FRMPD4: variants seen among roughly 807,000 people sequenced by gnomAD.
FRMPD4 encodes FERM and PDZ domain containing 4.
In FRMPD4, 22 loss-of-function variants were observed where a neutral mutation model predicts 94.1. The observed-to-expected ratio is 0.23, with a 90% CI of 0.17 to 0.33. FRMPD4 has a LOEUF of 0.33. FRMPD4 is among the 10% of genes least tolerant of loss of function. The pLI, the probability that FRMPD4 is intolerant of heterozygous loss-of-function variation, is 1.00. For synonymous variants in FRMPD4, 631 were observed against 548.6 expected, an observed-to-expected ratio of 1.15 and a Z score of -2.10; for missense variants, 1,111 against 1,339.9, an observed-to-expected ratio of 0.83 and a Z score of 2.67.
At chrX:12,360,486 GA>G (rs1160365195) in intron 1 of FRMPD4, among the ~76,000 whole-genome samples, 9 of 110,918 alleles carry the variant, frequency 8.1e-5, no homozygotes, top group Non-Finnish European at 1.5e-4. Flanking sequence ...CATGTAGGGG[GA>G]AAAAAGATGA....
chrX:12,076,176 G>C (rs1313354872), intron 3 of FRMPD4, among the ~76,000 whole-genome samples: 2 of 111,549 alleles, frequency 1.8e-5, no homozygotes, highest in Non-Finnish European at 3.8e-5. Flanking sequence ...CATGAATAAA[G>C]CATTTGGTTC....
chrX:11,952,991 C>T (rs1344924474), intron 3 of FRMPD4, among the ~76,000 whole-genome samples: 1 of 111,960 alleles, frequency 8.9e-6, no homozygotes, highest in African/African-American at 3.3e-5. Flanking sequence ...ACTGAGAAGA[C>T]TCTTGATCAG....
chrX:11,928,183 A>T (rs1428039266), intron 3 of FRMPD4, among the ~76,000 whole-genome samples: 1 of 112,398 alleles, frequency 8.9e-6, no homozygotes, highest in Non-Finnish European at 1.9e-5. Flanking sequence ...AGAAATGCAA[A>T]ACAAAACCAC....
At chrX:12,080,457 A>G (rs1389128506) in intron 3 of FRMPD4, among the ~76,000 whole-genome samples, 1 of 112,275 alleles carries the variant, frequency 8.9e-6, no homozygotes, top group Non-Finnish European at 1.9e-5. Flanking sequence ...TTTTTGGCTT[A>G]CATCCCTCAG....
chrX:11,864,262 G>A (rs1030633717), intron 1 of FRMPD4, among the ~76,000 whole-genome samples: 2 of 109,407 alleles, frequency 1.8e-5, no homozygotes, highest in Non-Finnish European at 3.8e-5. Flanking sequence ...GTTAACAAGA[G>A]TGAAGGGATG....
chrX:12,115,024 A>G (rs1184176492), intron 3 of FRMPD4, among the ~76,000 whole-genome samples: 1 of 111,767 alleles, frequency 8.9e-6, no homozygotes, highest in African/African-American at 3.2e-5. Flanking sequence ...CCAGTCTTGA[A>G]TACATTTTTA....
rs539623437 is a variant in FRMPD4 at position 12,361,546 on chromosome X, C to T, written c.42-137134C>T. On this transcript the variant is annotated intron_variant, in intron 1 of 16. Transcript: ENST00000675598. ...CATTCCCTAAGATTTGATTGGTTAG[C>T]TTTTTCTGCTCACAGGGAAAAAGTT... is the stretch of plus-strand genomic sequence containing the variant. 8.9e-5 allele frequency among the ~76,000 whole-genome samples: 10 copies of T among 112,241 alleles called. No individual in the cohort carries two copies. In the South Asian group the frequency reaches 3.7e-3, roughly 42 times the overall value.
intron 3 of FRMPD4, among the ~76,000 whole-genome samples, chrX:11,968,893 A>G (rs765109213): frequency 8.9e-6 from 1 of 112,349 alleles, no homozygotes; most frequent in Non-Finnish European, 1.9e-5. Context: ...TAGCTGGCAG[A>G]AAGATTTTAA....
intron 1 of FRMPD4, among the ~76,000 whole-genome samples, chrX:12,167,781 G>A (rs1223709273): frequency 1.8e-5 from 2 of 111,913 alleles, no homozygotes; most frequent in Non-Finnish European, 3.8e-5. Flanking sequence ...CCATGTGTAC[G>A]ACATAAACAA....
At chrX:11,979,971 T>C (rs146456090) in intron 3 of FRMPD4, among the ~76,000 whole-genome samples, 1 of 112,087 alleles carries the variant, frequency 8.9e-6, no homozygotes, top group East Asian at 2.8e-4. Flanking sequence ...TAAAGGTTTC[T>C]GGTCCTTTCA....
intron 1 of FRMPD4, among the ~76,000 whole-genome samples, chrX:12,436,177 TG>T (rs1338221086): frequency 3.6e-5 from 4 of 111,045 alleles, no homozygotes; most frequent in African/African-American, 6.6e-5. Context: ...GGCTAATTTT[TG>T]TATTTTTAGT....
At chrX:12,657,554 G>A (rs2059670826) in intron 4 of FRMPD4, among the ~76,000 whole-genome samples, 1 of 111,177 alleles carries the variant, frequency 9.0e-6, no homozygotes, top group South Asian at 3.8e-4. Flanking sequence ...GCCATATTTC[G>A]TTTATTAGAA....
intron 8 of FRMPD4, among the ~76,000 whole-genome samples, chrX:12,691,235 T>A (rs1449671432): frequency 9.0e-6 from 1 of 111,659 alleles, no homozygotes; most frequent in African/African-American, 3.3e-5. Context: ...TGGCTTATTA[T>A]TTCCATCAAG....
chrX:12,131,664 A>T lies in FRMPD4; in HGVS notation c.95+253646A>T, dbSNP rs529521065. The stretch of plus-strand genomic sequence containing the variant: ...AAAAAAACTGAATTATATTGGTAGA[A>T]TTTGAGACATTTTTATCCCACAAAT... On this transcript the variant is annotated intron_variant, in intron 3 of 18. Transcript: ENST00000640291. Among the ~76,000 whole-genome samples the T allele has an allele frequency of 9.0e-5, 10 of 111,691 alleles. No homozygotes were observed. The South Asian group carries it at 3.7e-3, about 42-fold the overall frequency.
chrX:11,899,560 G>A (rs1005462256), intron 3 of FRMPD4, among the ~76,000 whole-genome samples: 5 of 111,229 alleles, frequency 4.5e-5, no homozygotes, highest in Middle Eastern at 4.6e-3. Flanking sequence ...AGCCATAGAC[G>A]CTGAGTCCCC....
chrX:12,299,278 T>TAGG (rs977013655), intron 1 of FRMPD4, among the ~76,000 whole-genome samples: 45 of 104,639 alleles, frequency 4.3e-4, no homozygotes, highest in African/African-American at 1.5e-3. Flanking sequence ...GGAAGAGAAG[T>TAGG]AGGAGGAGGA....
rs1003066338 is a variant in FRMPD4, at chrX:12,303,347, A to G, written c.41+164335A>G. On this transcript the variant is annotated intron_variant, in intron 1 of 16. Coordinates refer to ENST00000675598, the MANE Select transcript of FRMPD4 (RefSeq NM_001368397.1). The stretch of plus-strand genomic sequence containing the variant: ...TTTGATTTTAGTCACATCAGATAAC[A>G]TAGATGGAGAGTAAAATTAATCAGT... Among the ~76,000 whole-genome samples, 3 of 112,270 alleles carry G rather than the reference A, an allele frequency of 2.7e-5. No homozygotes were observed. The Admixed American group carries it at 2.8e-4, about 11-fold the overall frequency.
At chrX:12,672,786 A>G (rs765171891) in intron 4 of FRMPD4, among the ~76,000 whole-genome samples, 1 of 111,863 alleles carries the variant, frequency 8.9e-6, no homozygotes, top group East Asian at 2.8e-4. Context: ...AGGGATCTGT[A>G]GTGCTATGGA....
At chrX:12,189,761 C>T (rs905190858) in intron 1 of FRMPD4, among the ~76,000 whole-genome samples, 6 of 111,442 alleles carry the variant, frequency 5.4e-5, no homozygotes, top group African/African-American at 9.7e-5. Flanking sequence ...ACATAAAAAA[C>T]GTACAGCTAA....
Sources: allele counts gnomAD v4.1 joint callset (sites outside exome capture counted in the v4.1 genomes callset), GRCh38; gene constraint gnomAD v4.1.1; transcripts MANE v1.5; gene names NCBI Gene and HGNC (gene_info 2026-07-23, HGNC 2026-07-21).